Variants in UGT1A8 observed in about 807,000 individuals in gnomAD.
UGT1A8 encodes UDP-glucuronosyltransferase 1A8.
In UGT1A8, 39 loss-of-function variants were observed where a neutral mutation model predicts 45.3. That is an observed-to-expected ratio of 0.86 (90% CI 0.67 to 1.12). The LOEUF is 1.12. Ranked by LOEUF, UGT1A8 falls within the 50% of genes most tolerant of loss-of-function variation. The pLI is 0.00. For synonymous variants in UGT1A8, 275 were observed against 249.2 expected, an observed-to-expected ratio of 1.10 and a Z score of -0.97; for missense variants, 719 against 664.9, an observed-to-expected ratio of 1.08 and a Z score of -0.90.
chr2:233,679,240 A>G (rs951456615), intron 1 of UGT1A8, among the ~76,000 whole-genome samples: 71 of 152,242 alleles, frequency 4.7e-4, no homozygotes, highest in Non-Finnish European at 7.9e-4. Flanking sequence ...CAATATCGAA[A>G]GAACTTTAAA....
intron 1 of UGT1A8, among the ~76,000 whole-genome samples, chr2:233,667,726 T>C (rs1040959524): frequency 2.0e-5 from 3 of 152,178 alleles, no homozygotes; most frequent in African/African-American, 7.2e-5. Context: ...GTGAAGGATA[T>C]GAACAGACCC....
At chr2:233,747,120 A>T in intron 1 of UGT1A8, 1 of 1,469,012 alleles carries the variant, frequency 6.8e-7, no homozygotes, top group Non-Finnish European at 9.2e-7. Context: ...ATGATTTGCT[A>T]AGTGGCTCAG....
intron 1 of UGT1A8, chr2:233,691,728 C>A: frequency 1.2e-6 from 1 of 804,008 alleles, no homozygotes; most frequent in Non-Finnish European, 1.5e-6. Context: ...GGTGGCTGGG[C>A]CAGAAGCAGA....
At chr2:233,741,628 C>T (rs1691725357) in intron 1 of UGT1A8, 1 of 151,848 alleles carries the variant, frequency 6.6e-6, no homozygotes, top group Non-Finnish European at 1.5e-5. Context: ...CCCCATGAGC[C>T]CCTGTGGGAT....
At chr2:233,628,158 A>G (rs995040707) in intron 1 of UGT1A8, among the ~76,000 whole-genome samples, 14 of 152,046 alleles carry the variant, frequency 9.2e-5, no homozygotes, top group African/African-American at 3.1e-4. Flanking sequence ...TAATGATGCA[A>G]TGTACACTTT....
chr2:233,667,417 A>T (rs2125496120), intron 1 of UGT1A8, among the ~76,000 whole-genome samples: 2 of 152,326 alleles, frequency 1.3e-5, no homozygotes, highest in East Asian at 3.9e-4. Flanking sequence ...TAGACCTTAA[A>T]CCATAAAAAC....
At chr2:233,733,027 T>A (rs2078348048) in intron 1 of UGT1A8, among the ~76,000 whole-genome samples, 1 of 152,200 alleles carries the variant, frequency 6.6e-6, no homozygotes, top group Non-Finnish European at 1.5e-5. Context: ...GTCCTTCACA[T>A]CCCTTTTAAG....
At chr2:233,672,081 T>C (rs781659760) in intron 1 of UGT1A8, 3 of 1,614,062 alleles carry the variant, frequency 1.9e-6, no homozygotes, top group Admixed American at 1.7e-5. Flanking sequence ...AGAAACTCAT[T>C]CTCAGGGGGC....
intron 1 of UGT1A8, among the ~76,000 whole-genome samples, chr2:233,716,363 G>A (rs914574200): frequency 6.6e-6 from 1 of 152,108 alleles, no homozygotes; most frequent in Non-Finnish European, 1.5e-5. Context: ...ATACTTTGTG[G>A]GGCTGTGATT....
At chr2:233,653,189 A>C (rs2073781135) in intron 1 of UGT1A8, among the ~76,000 whole-genome samples, 2 of 152,240 alleles carry the variant, frequency 1.3e-5, no homozygotes. Flanking sequence ...AATAACTTTA[A>C]AAATTATTTA....
chr2:233,771,662 C>A (rs1000689194), intron 4 of UGT1A8: 1 of 152,330 alleles, frequency 6.6e-6, no homozygotes, highest in Non-Finnish European at 1.5e-5. Flanking sequence ...AATGAAATTT[C>A]TCACAAAATA....
At chr2:233,733,349 A>G (rs2078383878) in intron 1 of UGT1A8, among the ~76,000 whole-genome samples, 1 of 152,106 alleles carries the variant, frequency 6.6e-6, no homozygotes, top group South Asian at 2.1e-4. Flanking sequence ...CAGTATGTTG[A>G]GTAGGAGTGG....
chr2:233,718,363 A>G (rs2076649552), intron 1 of UGT1A8, among the ~76,000 whole-genome samples: 1 of 152,246 alleles, frequency 6.6e-6, no homozygotes, highest in Non-Finnish European at 1.5e-5. Flanking sequence ...TGTGTTATTC[A>G]CATATGAGAA....
At chr2:233,640,899 G>T (rs1269058225) in intron 1 of UGT1A8, among the ~76,000 whole-genome samples, 1 of 152,142 alleles carries the variant, frequency 6.6e-6, no homozygotes, top group Non-Finnish European at 1.5e-5. Flanking sequence ...AGGCTGGCAG[G>T]ACCAGGGGAA....
intron 1 of UGT1A8, among the ~76,000 whole-genome samples, chr2:233,725,052 CGGCGCGCGCCTG>C (rs2077353834): frequency 6.8e-6 from 1 of 147,562 alleles, no homozygotes; most frequent in African/African-American, 2.5e-5. Flanking sequence ...TCAGGCGTGG[CGGCGCGCGCCTG>C]CAATCGCAGG....
intron 1 of UGT1A8, among the ~76,000 whole-genome samples, chr2:233,634,700 C>G (rs1225066488): frequency 7.1e-6 from 1 of 140,594 alleles, no homozygotes; most frequent in African/African-American, 2.8e-5. Flanking sequence ...TATGTCTTTA[C>G]ACGTGAAATG....
chr2:233,718,916 G>C, intron 1 of UGT1A8: 1 of 1,614,098 alleles, frequency 6.2e-7, no homozygotes. Context: ...GAAAGGTGTT[G>C]GTGGTGCCCA....
intron 1 of UGT1A8, chr2:233,754,913 C>T (rs778952229): frequency 7.4e-7 from 1 of 1,353,756 alleles, no homozygotes; most frequent in African/African-American, 1.5e-5. Context: ...AAATATTCTC[C>T]AGCGGGTTTC....
intron 1 of UGT1A8, among the ~76,000 whole-genome samples, chr2:233,674,086 ATTATTTTGGAGGG>A (rs756903376): frequency 2.4e-3 from 368 of 152,272 alleles, no homozygotes; most frequent in Non-Finnish European, 4.6e-3. Flanking sequence ...ATCTCAGTAT[ATTATTTTGGAGGG>A]ATGGAGTATA....
Sources: gnomAD v4.1 joint callset for allele counts (sites outside exome capture counted in the v4.1 genomes callset) on GRCh38, gnomAD v4.1.1 for gene constraint, MANE v1.5 for transcripts, NCBI Gene and HGNC (gene_info 2026-07-23, HGNC 2026-07-21) for gene names.